The following ARHGAP10 variants were observed in gnomAD, a reference collection of about 807,000 sequenced individuals.
ARHGAP10 encodes Rho GTPase activating protein 10, also known as rho GTPase-activating protein 10.
In ARHGAP10, 87 loss-of-function variants were observed where a neutral mutation model predicts 108.6. That is an observed-to-expected ratio of 0.80 (90% CI 0.67 to 0.96). The LOEUF (loss-of-function observed/expected upper bound fraction) is 0.96, where lower values mean the gene tolerates loss of function less well. Ranked by LOEUF, ARHGAP10 falls within the 40% of genes least tolerant of loss-of-function variation. The probability of loss-of-function intolerance (pLI) is 0.00; values close to 1 mark genes in which losing one functional copy is unlikely to be tolerated. For missense variants in ARHGAP10, 939 were observed against 954.5 expected (o/e 0.98, Z 0.21); for synonymous variants, 347 against 341.1 (o/e 1.02, Z -0.19).
At chr4:147,972,053 G>C (rs564321235) in intron 18 of ARHGAP10, among the ~76,000 whole-genome samples, 1 of 152,218 alleles carries the variant, frequency 6.6e-6, no homozygotes, top group African/African-American at 2.4e-5. Context: ...AAAGGGGTTT[G>C]GGGGAGGAGT....
At chr4:147,935,828 G>T (rs1006626121) in intron 13 of ARHGAP10, among the ~76,000 whole-genome samples, 1 of 152,162 alleles carries the variant, frequency 6.6e-6, no homozygotes, top group African/African-American at 2.4e-5. Context: ...TTTGTGCAAG[G>T]TTTATTTAAA....
intron 4 of ARHGAP10, among the ~76,000 whole-genome samples, chr4:147,851,123 TA>T (rs1416830336): frequency 1.3e-5 from 2 of 152,250 alleles, no homozygotes; most frequent in African/African-American, 4.8e-5. Flanking sequence ...GAGCCAATTA[TA>T]ATTTTATCCA....
At chr4:147,939,715 T>G in intron 13 of ARHGAP10, 110 bp from the exon 14 acceptor site, 1 of 942,838 alleles carries the variant, frequency 1.1e-6, no homozygotes. Flanking sequence ...TTTTTATAGT[T>G]AACAGGAATG....
intron 1 of ARHGAP10, 143 bp downstream of exon 1, chr4:147,732,598 C>G (rs955683264): frequency 1.7e-6 from 2 of 1,199,450 alleles, no homozygotes; most frequent in Non-Finnish European, 2.3e-6. Flanking sequence ...CCAGCTCTCT[C>G]GGAACCCCGG....
chr4:148,023,699 C>T (rs1245169374), intron 19 of ARHGAP10, among the ~76,000 whole-genome samples: 1 of 152,122 alleles, frequency 6.6e-6, no homozygotes. Context: ...GGTTACATAA[C>T]CCTGAGACAA....
intron 15 of ARHGAP10, among the ~76,000 whole-genome samples, chr4:147,948,419 T>G (rs1171219177): frequency 3.9e-5 from 6 of 151,970 alleles, no homozygotes; most frequent in Non-Finnish European, 8.8e-5. Flanking sequence ...CATATTTGGT[T>G]TAAATCCTGC....
intron 4 of ARHGAP10, among the ~76,000 whole-genome samples, chr4:147,856,795 C>T: frequency 6.6e-6 from 1 of 152,072 alleles, no homozygotes; most frequent in East Asian, 1.9e-4. Flanking sequence ...AAGATCTTTC[C>T]CAAGATGTTT....
chr4:148,023,935 G>A (rs1001933259), intron 19 of ARHGAP10, among the ~76,000 whole-genome samples: 23 of 152,354 alleles, frequency 1.5e-4, no homozygotes, highest in Non-Finnish European at 2.9e-4. Context: ...GTGGGAACTG[G>A]GCTGCAGTGG....
chr4:147,939,961 C>A (rs1322506204), intron 14 of ARHGAP10, 62 bp downstream of exon 14: 1 of 1,374,946 alleles, frequency 7.3e-7, no homozygotes, highest in Non-Finnish European at 1.0e-6. Flanking sequence ...GACTTCACAG[C>A]TTAATATTTC....
At chr4:147,980,367 C>T (rs990937280) in intron 18 of ARHGAP10, among the ~76,000 whole-genome samples, 1 of 152,100 alleles carries the variant, frequency 6.6e-6, no homozygotes, top group Admixed American at 6.5e-5. Context: ...TGAACCACTG[C>T]TACATCCCAG....
In ARHGAP10 at chr4:147,872,209, A is replaced by G. The variant is rs890806021; in HGVS notation, c.703-2812A>G. ...CCTCATGGAGGCGTCTGCGGCAGGG[A>G]TGGTGGAGTGGTGATGAGACAGAGG... On this transcript the variant is annotated intron_variant, in intron 7 of 22. Coordinates refer to ENST00000336498, the MANE Select transcript of ARHGAP10 (RefSeq NM_024605.4). Among the ~76,000 whole-genome samples, 8 of 149,820 alleles carry G rather than the reference A, an allele frequency of 5.3e-5. No homozygotes were observed. In the East Asian group the frequency reaches 1.6e-3, roughly 29 times the overall value.
chr4:147,754,419 C>T (rs17023749), intron 1 of ARHGAP10, among the ~76,000 whole-genome samples: 445 of 152,238 alleles, frequency 2.9e-3, no homozygotes, highest in Non-Finnish European at 5.3e-3. Flanking sequence ...AACTTCAGAA[C>T]GTTAAGACAG....
intron 18 of ARHGAP10, among the ~76,000 whole-genome samples, chr4:148,003,497 A>T (rs1740817704): frequency 6.6e-6 from 1 of 152,166 alleles, no homozygotes; most frequent in South Asian, 2.1e-4. Context: ...GATCTGTCTA[A>T]TGTTGACAGT....
intron 18 of ARHGAP10, among the ~76,000 whole-genome samples, chr4:147,969,440 A>G (rs534647059): frequency 1.3e-4 from 19 of 151,314 alleles, no homozygotes; most frequent in African/African-American, 4.6e-4. Context: ...CAGCTCATGG[A>G]AAGATGGCTA....
At chr4:148,025,052 G>A (rs78723951) in intron 19 of ARHGAP10, among the ~76,000 whole-genome samples, 1,931 of 152,308 alleles carry the variant, frequency 0.013, 40 homozygotes, top group African/African-American at 0.044. Flanking sequence ...GTAATATCCA[G>A]TCAAATTTAT....
At chr4:147,963,956 A>G (rs1393367753) in intron 16 of ARHGAP10, among the ~76,000 whole-genome samples, 1 of 152,208 alleles carries the variant, frequency 6.6e-6, no homozygotes, top group Non-Finnish European at 1.5e-5. Flanking sequence ...ACCCTACTTC[A>G]GTTATGATCT....
chr4:147,786,687 G>C (rs2126740657), intron 1 of ARHGAP10, among the ~76,000 whole-genome samples: 1 of 152,272 alleles, frequency 6.6e-6, no homozygotes. Flanking sequence ...CATACATATG[G>C]GATGGCATAG....
At chr4:147,999,371 ATCTTGCAACTACACAC>A (rs2149643019) in intron 18 of ARHGAP10, among the ~76,000 whole-genome samples, 1 of 152,186 alleles carries the variant, frequency 6.6e-6, no homozygotes, top group South Asian at 2.1e-4. Flanking sequence ...ACTCTATTAA[ATCTTGCAACTACACAC>A]TCTTCTGGTC....
At chr4:147,846,659 C>T (rs2078008495) in intron 3 of ARHGAP10, among the ~76,000 whole-genome samples, 1 of 152,156 alleles carries the variant, frequency 6.6e-6, no homozygotes, top group Non-Finnish European at 1.5e-5. Context: ...CTCTACTTTG[C>T]TAATATACCT....
Sources: gnomAD v4.1 joint callset for allele counts (sites outside exome capture counted in the v4.1 genomes callset) on GRCh38, gnomAD v4.1.1 for gene constraint, MANE v1.5 for transcripts, NCBI Gene and HGNC (gene_info 2026-07-23, HGNC 2026-07-21) for gene names.